PTPRR: variants seen among roughly 807,000 people sequenced by gnomAD.
PTPRR encodes protein tyrosine phosphatase receptor type R.
PTPRR carries 38 observed loss-of-function variants against 77.2 expected under a neutral mutation model. That is an observed-to-expected ratio of 0.49 (90% CI 0.38 to 0.65). PTPRR has a LOEUF of 0.65. PTPRR is among the 30% of genes least tolerant of loss of function. The pLI, the probability that PTPRR is intolerant of heterozygous loss-of-function variation, is 0.00. For synonymous variants in PTPRR, 299 were observed against 283.1 expected (o/e 1.06, Z -0.57); for missense variants, 744 against 799.2 (o/e 0.93, Z 0.83).
chr12:70,761,154 C>T (rs1445582631), intron 4 of PTPRR, among the ~76,000 whole-genome samples: 1 of 152,126 alleles, frequency 6.6e-6, no homozygotes, highest in African/African-American at 2.4e-5. Flanking sequence ...ATATCAGTTT[C>T]AAGCGATCAA....
At chr12:70,812,789 T>G (rs1691113618) in intron 2 of PTPRR, among the ~76,000 whole-genome samples, 1 of 152,178 alleles carries the variant, frequency 6.6e-6, no homozygotes, top group Admixed American at 6.5e-5. Flanking sequence ...GAGCTAAATG[T>G]ATTTTATTCT....
At chr12:70,697,117 A>T (rs1231307034) in intron 8 of PTPRR, among the ~76,000 whole-genome samples, 1 of 152,196 alleles carries the variant, frequency 6.6e-6, no homozygotes, top group South Asian at 2.1e-4. Context: ...TGTCCAGGTC[A>T]TATAGCAACT....
intron 2 of PTPRR, among the ~76,000 whole-genome samples, chr12:70,768,760 A>G (rs1449075825): frequency 2.0e-5 from 3 of 152,180 alleles, no homozygotes; most frequent in Non-Finnish European, 4.4e-5. Context: ...AAAATCCTCA[A>G]TAAAATACGG....
chr12:70,856,990 G>A lies in PTPRR; in HGVS notation c.357+35689C>T, dbSNP rs115681557. Reference sequence around the variant, plus strand: ...AATATGTGTGATTTGATTTTTAAATGACTAAATTTGAGTTACCTGTGTAGC... The same window carrying A: ...AATATGTGTGATTTGATTTTTAAATAACTAAATTTGAGTTACCTGTGTAGC... On this transcript the variant is annotated intron_variant, in intron 2 of 13. Transcript: ENST00000283228. 3.2e-3 allele frequency among the ~76,000 whole-genome samples: 494 copies of A among 152,192 alleles called. 3 individuals carry two copies. The highest frequency in any genetic ancestry group is 0.011 in the African/African-American group (468 of 41,522).
chr12:70,727,908 G>T (rs902177433), intron 6 of PTPRR, among the ~76,000 whole-genome samples: 1 of 152,124 alleles, frequency 6.6e-6, no homozygotes, highest in African/African-American at 2.4e-5. Flanking sequence ...AAAGCTGGGG[G>T]CTCTTGGTTA....
intron 1 of PTPRR, among the ~76,000 whole-genome samples, chr12:70,906,007 T>G (rs1483079741): frequency 1.3e-5 from 2 of 152,018 alleles, no homozygotes; most frequent in Admixed American, 1.3e-4. Context: ...ATTTATTTGA[T>G]TTGTTAATGC....
intron 2 of PTPRR, among the ~76,000 whole-genome samples, chr12:70,774,186 C>G (rs1891041740): frequency 6.6e-6 from 1 of 152,212 alleles, no homozygotes; most frequent in South Asian, 2.1e-4. Context: ...GAATGAGTAA[C>G]CTCTGTCTCA....
intron 2 of PTPRR, among the ~76,000 whole-genome samples, chr12:70,887,151 T>C (rs1238209014): frequency 6.6e-6 from 1 of 152,100 alleles, no homozygotes; most frequent in African/African-American, 2.4e-5. Flanking sequence ...AAGCTGTCTG[T>C]TAAAAATTTA....
intron 1 of PTPRR, among the ~76,000 whole-genome samples, chr12:70,918,653 A>T (rs1458039984): frequency 1.3e-5 from 2 of 152,226 alleles, no homozygotes; most frequent in Non-Finnish European, 2.9e-5. Flanking sequence ...CTTTTAAGAT[A>T]TAATTACTCA....
At chr12:70,737,851 T>G (rs1889923690) in intron 6 of PTPRR, among the ~76,000 whole-genome samples, 1 of 152,182 alleles carries the variant, frequency 6.6e-6, no homozygotes, top group Non-Finnish European at 1.5e-5. Context: ...TTCCAGGGTA[T>G]TTTTTACACT....
At chr12:70,837,307 T>C (rs960763586) in intron 2 of PTPRR, among the ~76,000 whole-genome samples, 1 of 152,168 alleles carries the variant, frequency 6.6e-6, no homozygotes. Flanking sequence ...TAAGTGCTTT[T>C]CTATTTCTTA....
At chr12:70,725,736 G>A (rs1889410830) in intron 6 of PTPRR, among the ~76,000 whole-genome samples, 1 of 152,146 alleles carries the variant, frequency 6.6e-6, no homozygotes, top group Non-Finnish European at 1.5e-5. Context: ...TTTCTTTAGA[G>A]TAATGGTAAA....
At chr12:70,759,606 G>C (rs779868138) in intron 4 of PTPRR, among the ~76,000 whole-genome samples, 13 of 149,318 alleles carry the variant, frequency 8.7e-5, no homozygotes. Flanking sequence ...GCATGAACTC[G>C]GGAGGCAGAG....
chr12:70,877,738 GA>G (rs1346634743), intron 2 of PTPRR, among the ~76,000 whole-genome samples: 2 of 151,916 alleles, frequency 1.3e-5, no homozygotes, highest in East Asian at 1.9e-4. Flanking sequence ...CACAGAATTG[GA>G]AAAAAACTAC....
chr12:70,892,854 A>AT lies in PTPRR; in HGVS notation c.181dup (p.Ile61AsnfsTer5). On this transcript the variant is annotated frameshift_variant, in exon 2 of 14. Transcript: ENST00000283228. LOFTEE classifies it high-confidence loss of function. ...AGAGGAATGGTAGCTATGTCTGTAG[A>AT]TTTTTTGTGGGGCTATATCCAGGCT... 6.2e-7 allele frequency: 1 copy of AT among 1,613,558 alleles called. No individual in the cohort carries two copies.
intron 2 of PTPRR, among the ~76,000 whole-genome samples, chr12:70,812,056 A>G (rs1320947583): frequency 6.6e-6 from 1 of 152,224 alleles, no homozygotes; most frequent in Non-Finnish European, 1.5e-5. Flanking sequence ...GGGATTGTCA[A>G]AGTGATCCCT....
intron 8 of PTPRR, among the ~76,000 whole-genome samples, chr12:70,689,758 G>T (rs192199118): frequency 1.9e-4 from 29 of 152,252 alleles, no homozygotes; most frequent in African/African-American, 7.0e-4. Context: ...AGCATGCTCC[G>T]TGCTGTCTGG....
intron 6 of PTPRR, among the ~76,000 whole-genome samples, chr12:70,711,463 A>G (rs938384958): frequency 2.0e-5 from 3 of 151,912 alleles, no homozygotes; most frequent in Non-Finnish European, 4.4e-5. Context: ...TAGTATATTT[A>G]TATTTAGTAT....
intron 2 of PTPRR, among the ~76,000 whole-genome samples, chr12:70,850,426 G>A (rs1892553730): frequency 2.6e-5 from 4 of 152,004 alleles, no homozygotes; most frequent in Non-Finnish European, 5.9e-5. Context: ...GCAATTTAAA[G>A]CAAGGTTGCT....
Sources: allele counts gnomAD v4.1 joint callset (sites outside exome capture counted in the v4.1 genomes callset), GRCh38; gene constraint gnomAD v4.1.1; transcripts MANE v1.5; gene names NCBI Gene and HGNC (gene_info 2026-07-23, HGNC 2026-07-21).